The following EXOC4 variants were observed in gnomAD, a reference collection of about 807,000 sequenced individuals.
EXOC4 encodes the protein exocyst complex component 4.
Under a neutral mutation model 107.2 loss-of-function variants are expected in EXOC4, and 71 were observed. The observed-to-expected ratio is 0.66, with a 90% confidence interval of 0.55 to 0.81. The LOEUF (loss-of-function observed/expected upper bound fraction) is 0.81. EXOC4 is among the 30% of genes least tolerant of loss of function. The pLI is 0.00. For missense variants in EXOC4, 1,108 were observed against 1,189.6 expected (o/e 0.93, Z 1.01); for synonymous variants, 456 against 441.2 (o/e 1.03, Z -0.42).
rs779896876 is a variant in EXOC4, at chr7:133,289,043, A to C, written c.398A>C (p.Asn133Thr). ...HVLNLLDEIE[N>T]IKQVPQKLEQ... ...CTGAACTTGTTGGATGAAATTGAGA[A>C]TATCAAGCAAGTGCCTCAAAAGCTG... is the stretch of plus-strand genomic sequence containing the variant. Residue 133 changes from asparagine (N) to threonine (T), a missense_variant, in exon 3 of 18, where the codon AAT becomes ACT. Physicochemically the swap from Asn to Thr is moderately conservative, Grantham distance 65. Transcript: ENST00000253861. 5 of 1,614,208 alleles carry C rather than the reference A, an allele frequency of 3.1e-6. No individual in the cohort carries two copies. In the South Asian group the frequency reaches 3.3e-5, roughly 11 times the overall value.
chr7:133,347,534 A>G (rs1231083557), intron 5 of EXOC4, among the ~76,000 whole-genome samples: 1 of 152,056 alleles, frequency 6.6e-6, no homozygotes, highest in Non-Finnish European at 1.5e-5. Context: ...GAGCCACCAC[A>G]CCCAGCCTGT....
chr7:133,933,885 G>A (rs144072465), intron 13 of EXOC4, among the ~76,000 whole-genome samples: 5 of 152,334 alleles, frequency 3.3e-5, no homozygotes, highest in Admixed American at 6.5e-5. Flanking sequence ...TCACTAAAAC[G>A]TGAAGTTGTT....
At chr7:133,355,698 G>A (rs1050312439) in intron 5 of EXOC4, among the ~76,000 whole-genome samples, 13 of 151,588 alleles carry the variant, frequency 8.6e-5, no homozygotes, top group Admixed American at 5.2e-4. Flanking sequence ...TTATTAGCAA[G>A]ATCTGTCTCC....
In EXOC4 at chr7:133,646,022, A is replaced by C. The variant is rs563463192; in HGVS notation, c.1514+15881A>C. On this transcript the variant is annotated intron_variant, in intron 10 of 17. Transcript: ENST00000253861. Reference sequence around the variant, plus strand: ...TAGACCATTAATTTCCCATGACAGCACACGAAGCTTCTCCTCTCCTCCTCT... The same window carrying C: ...TAGACCATTAATTTCCCATGACAGCCCACGAAGCTTCTCCTCTCCTCCTCT... Among the ~76,000 whole-genome samples, 20 of 148,732 alleles carry C rather than the reference A, an allele frequency of 1.3e-4. No individual in the cohort carries two copies. The East Asian group carries it at 4.1e-3, about 30-fold the overall frequency.
At chr7:133,997,208 C>T (rs530674567) in intron 14 of EXOC4, among the ~76,000 whole-genome samples, 41 of 152,266 alleles carry the variant, frequency 2.7e-4, no homozygotes, top group African/African-American at 9.9e-4. Context: ...CTCTGAGGTT[C>T]TGTTTCTGTA....
chr7:133,319,590 T>C (rs1391891553), intron 5 of EXOC4, among the ~76,000 whole-genome samples: 1 of 152,066 alleles, frequency 6.6e-6, no homozygotes, highest in African/African-American at 2.4e-5. Context: ...TCTGGGCTCA[T>C]GCGATTCTCC....
chr7:133,836,210 A>G (rs1797914677), intron 11 of EXOC4, among the ~76,000 whole-genome samples: 1 of 152,228 alleles, frequency 6.6e-6, no homozygotes, highest in Admixed American at 6.5e-5. Context: ...GTTAGCCTAC[A>G]TTATTAATTT....
At chr7:133,979,052 C>G (rs1417582434) in intron 14 of EXOC4, among the ~76,000 whole-genome samples, 1 of 152,150 alleles carries the variant, frequency 6.6e-6, no homozygotes, top group Non-Finnish European at 1.5e-5. Flanking sequence ...AATAACAAGT[C>G]TCCTGTGGTA....
At chr7:133,856,108 G>A (rs1198132892) in intron 11 of EXOC4, among the ~76,000 whole-genome samples, 1 of 152,174 alleles carries the variant, frequency 6.6e-6, no homozygotes, top group Non-Finnish European at 1.5e-5. Context: ...AAAAGAGCAT[G>A]GGCTTTGGAA....
intron 10 of EXOC4, among the ~76,000 whole-genome samples, chr7:133,663,055 A>G (rs905389517): frequency 9.9e-5 from 15 of 152,170 alleles, no homozygotes; most frequent in African/African-American, 3.1e-4. Flanking sequence ...TTTTCTGTGC[A>G]GTGTCTCCTA....
At position 133,895,325 on chromosome 7, in the gene EXOC4, G is replaced by A. The variant is rs569722682; in HGVS notation, c.1735-274G>A. The A allele has an allele frequency of 7.5e-5, 26 of 347,274 alleles. No individual in the cohort carries two copies. The East Asian group carries it at 1.8e-3, about 24-fold the overall frequency. 21.5% of individuals were successfully genotyped at this position (347,274 alleles called of 1,614,324 possible). ...GCGCACCCACTGGCCTGCGCCCACTGTCTGGCACTCCCTAGTGAGATGAAC... is the reference window on the plus strand; with the variant it reads ...GCGCACCCACTGGCCTGCGCCCACTATCTGGCACTCCCTAGTGAGATGAAC... On this transcript the variant is annotated intron_variant, in intron 11 of 17. Coordinates refer to ENST00000253861, the MANE Select transcript of EXOC4 (RefSeq NM_021807.4).
intron 7 of EXOC4, among the ~76,000 whole-genome samples, chr7:133,427,202 C>T (rs1333322292): frequency 6.6e-6 from 1 of 152,012 alleles, no homozygotes; most frequent in African/African-American, 2.4e-5. Flanking sequence ...GGGATTGAGT[C>T]TTTAGTTGGG....
At chr7:133,727,923 A>G (rs1231439971) in intron 10 of EXOC4, among the ~76,000 whole-genome samples, 3 of 152,204 alleles carry the variant, frequency 2.0e-5, no homozygotes, top group Admixed American at 6.5e-5. Context: ...TTAAGCATTA[A>G]CTTTTATGTT....
chr7:133,272,112 G>A (rs1282036710), intron 1 of EXOC4, among the ~76,000 whole-genome samples: 1 of 152,146 alleles, frequency 6.6e-6, no homozygotes, highest in Non-Finnish European at 1.5e-5. Context: ...TGACATACCA[G>A]GCCTTGTTTG....
rs200953642 is a variant in EXOC4, at chr7:133,880,673, A to ATGTTT, written c.1735-14906_1735-14902dup. Among the ~76,000 whole-genome samples, 64 of 152,160 alleles carry ATGTTT rather than the reference A, an allele frequency of 4.2e-4. 1 individual carries two copies. Among genetic ancestry groups the ATGTTT allele is most frequent in the African/African-American group, 1.3e-3 (52 of 41,530 alleles). ...GACTTTTTCTCCCTTTCCTGCTGTT[A>ATGTTT]TGTTTTGTTTTGTTTTGTTTTGTTG... On this transcript the variant is annotated intron_variant, in intron 11 of 17. Transcript: ENST00000253861.
At chr7:133,529,576 T>G (rs906997370) in intron 9 of EXOC4, among the ~76,000 whole-genome samples, 2 of 152,296 alleles carry the variant, frequency 1.3e-5, no homozygotes, top group African/African-American at 4.8e-5. Flanking sequence ...CAGAAAGATC[T>G]AAAACCCAAT....
intron 14 of EXOC4, among the ~76,000 whole-genome samples, chr7:133,977,852 C>T (rs1481454020): frequency 6.6e-6 from 1 of 152,036 alleles, no homozygotes; most frequent in African/African-American, 2.4e-5. Context: ...AGTGGAGCCT[C>T]TCTGACTAAG....
intron 10 of EXOC4, among the ~76,000 whole-genome samples, chr7:133,739,995 A>G (rs1795531724): frequency 6.6e-6 from 1 of 152,126 alleles, no homozygotes; most frequent in Non-Finnish European, 1.5e-5. Context: ...TAATGTAGCA[A>G]AATTAAGAGT....
intron 1 of EXOC4, among the ~76,000 whole-genome samples, chr7:133,263,354 A>G (rs1161409232): frequency 7.5e-6 from 1 of 133,686 alleles, no homozygotes; most frequent in Non-Finnish European, 1.6e-5. Context: ...TTATATAGAT[A>G]TGTTTTTTAA....
Sources: gnomAD v4.1 joint callset for allele counts (sites outside exome capture counted in the v4.1 genomes callset) on GRCh38, gnomAD v4.1.1 for gene constraint, MANE v1.5 for transcripts, NCBI Gene and HGNC (gene_info 2026-07-23, HGNC 2026-07-21) for gene names.